The following ADCY2 variants were observed in gnomAD, a reference collection of about 807,000 sequenced individuals.
ADCY2 encodes the protein adenylate cyclase 2, also known as adenylate cyclase type 2.
In ADCY2, 31 loss-of-function variants were observed where a neutral mutation model predicts 125.2. The observed-to-expected ratio is 0.25, with a 90% CI of 0.19 to 0.33. The LOEUF (loss-of-function observed/expected upper bound fraction) is 0.33. ADCY2 is among the 10% of genes least tolerant of loss of function. The pLI is 1.00. For missense variants in ADCY2, 904 were observed against 1,418.2 expected (o/e 0.64, Z 5.82); for synonymous variants, 512 against 548.4 (o/e 0.93, Z 0.93).
intron 4 of ADCY2, among the ~76,000 whole-genome samples, chr5:7,633,176 A>G (rs1414242875): frequency 6.6e-6 from 1 of 152,150 alleles, no homozygotes; most frequent in Non-Finnish European, 1.5e-5. Flanking sequence ...CATGCCTGTA[A>G]TCCCAGCACT....
At chr5:7,497,124 TA>T (rs1743371205) in intron 2 of ADCY2, among the ~76,000 whole-genome samples, 3 of 152,176 alleles carry the variant, frequency 2.0e-5, no homozygotes, top group Admixed American at 2.0e-4. Context: ...CAATGTTCTT[TA>T]AAAAGTATCA....
At chr5:7,595,125 T>G (rs1736966864) in intron 3 of ADCY2, among the ~76,000 whole-genome samples, 1 of 152,234 alleles carries the variant, frequency 6.6e-6, no homozygotes, top group South Asian at 2.1e-4. Flanking sequence ...AATTATTCCC[T>G]TATAATGACC....
intron 2 of ADCY2, among the ~76,000 whole-genome samples, chr5:7,512,287 ATTTAACTTTTTAACATATTGT>A (rs1744099488): frequency 6.7e-6 from 1 of 148,928 alleles, no homozygotes; most frequent in Non-Finnish European, 1.5e-5. Flanking sequence ...CTGTTATCAG[ATTTAACTTTTTAACATATTGT>A]TTTGACTTCT....
intron 23 of ADCY2, among the ~76,000 whole-genome samples, chr5:7,820,167 G>T (rs188593942): frequency 4.6e-5 from 7 of 152,172 alleles, no homozygotes; most frequent in African/African-American, 1.7e-4. Flanking sequence ...AACAGTATTG[G>T]GGCTGTTTCC....
At position 7,591,098 on chromosome 5, in the gene ADCY2, G is replaced by A. The variant is rs373074871; in HGVS notation, c.571-35069G>A. Among the ~76,000 whole-genome samples the A allele has an allele frequency of 1.3e-3, 205 of 152,184 alleles. 1 individual carries two copies. Among genetic ancestry groups the A allele is most frequent in the African/African-American group, 4.6e-3 (191 of 41,500 alleles). ...AATTGCTCACGTGATTACTGGTGAC[G>A]TTATTTAATTAGAATAGTTTATGGA... is the stretch of plus-strand genomic sequence containing the variant. On this transcript the variant is annotated intron_variant, in intron 3 of 24. Coordinates refer to ENST00000338316, the MANE Select transcript of ADCY2 (RefSeq NM_020546.3).
chr5:7,531,948 C>A (rs1223469564), intron 3 of ADCY2, among the ~76,000 whole-genome samples: 1 of 152,242 alleles, frequency 6.6e-6, no homozygotes, highest in African/African-American at 2.4e-5. Context: ...TTATTGCAGA[C>A]TGTTCCATGT....
intron 4 of ADCY2, among the ~76,000 whole-genome samples, chr5:7,634,305 G>T (rs967377730): frequency 9.2e-5 from 14 of 152,148 alleles, no homozygotes; most frequent in African/African-American, 3.4e-4. Flanking sequence ...TGAAGGTTAG[G>T]ACTCATGAAC....
intron 3 of ADCY2, among the ~76,000 whole-genome samples, chr5:7,596,842 C>T (rs1737022989): frequency 6.6e-6 from 1 of 152,204 alleles, no homozygotes; most frequent in Non-Finnish European, 1.5e-5. Context: ...GGGGCCTATA[C>T]TGAATCAGTA....
At chr5:7,659,897 AAC>A (rs1267375396) in intron 4 of ADCY2, among the ~76,000 whole-genome samples, 1 of 152,184 alleles carries the variant, frequency 6.6e-6, no homozygotes, top group Non-Finnish European at 1.5e-5. Context: ...GACCTGTGTA[AAC>A]ACAGTAATAA....
chr5:7,720,216 TCCC>T (rs1741715486), intron 12 of ADCY2, among the ~76,000 whole-genome samples: 1 of 151,984 alleles, frequency 6.6e-6, no homozygotes. Context: ...GTAGTTCCAA[TCCC>T]CCCAAGTAAT....
At position 7,709,059 on chromosome 5, in the gene ADCY2, C is replaced by G. The variant is rs1741356186; in HGVS notation, c.1402-152C>G. Reference sequence around the variant, plus strand: ...TTCCCTCAACTCAAATAGTGTGTTCCCCAGTAACACTGAAGGAATAAGGAC... The same window carrying G: ...TTCCCTCAACTCAAATAGTGTGTTCGCCAGTAACACTGAAGGAATAAGGAC... On this transcript the variant is annotated intron_variant, in intron 9 of 24. Coordinates refer to ENST00000338316, the MANE Select transcript of ADCY2 (RefSeq NM_020546.3). The surrounding 1 kb of genome is among the most constrained non-coding windows in gnomAD (Gnocchi z 4.4). 1 of 649,804 alleles carries G rather than the reference C, an allele frequency of 1.5e-6. No homozygotes were observed. Among genetic ancestry groups the G allele is most frequent in the Non-Finnish European group, 2.3e-6 (1 of 438,550 alleles). 40.3% of individuals were successfully genotyped at this position (649,804 alleles called of 1,614,324 possible). A position where few individuals can be genotyped will look rare whatever the true frequency, so the allele number is the denominator to read the frequency against.
chr5:7,827,933 T>A lies in ADCY2; in HGVS notation c.*1062T>A, dbSNP rs1364911458. ...CAAAAGAATAATTTGGAATCAGCTATGCAAATCAGTCTCACAATAGCGTGA... is the reference window on the plus strand; with the variant it reads ...CAAAAGAATAATTTGGAATCAGCTAAGCAAATCAGTCTCACAATAGCGTGA... On this transcript the variant is annotated 3_prime_UTR_variant, in exon 25 of 25. Coordinates refer to ENST00000338316, the MANE Select transcript of ADCY2 (RefSeq NM_020546.3). 2 of 152,678 alleles carry A rather than the reference T, an allele frequency of 1.3e-5. No homozygotes were observed. Among genetic ancestry groups the A allele is most frequent in the Non-Finnish European group, 1.5e-5 (1 of 68,050 alleles). 9.5% of individuals were successfully genotyped at this position (152,678 alleles called of 1,614,324 possible). A position where few individuals can be genotyped will look rare whatever the true frequency, so the allele number is the denominator to read the frequency against.
chr5:7,602,169 CA>C (rs996078295), intron 3 of ADCY2, among the ~76,000 whole-genome samples: 2 of 152,172 alleles, frequency 1.3e-5, no homozygotes, highest in African/African-American at 4.8e-5. Context: ...GTTACATTTG[CA>C]AAGGTACAAT....
intron 4 of ADCY2, among the ~76,000 whole-genome samples, chr5:7,680,615 A>C (rs1440697341): frequency 6.6e-6 from 1 of 152,230 alleles, no homozygotes; most frequent in Non-Finnish European, 1.5e-5. Flanking sequence ...GGCTAGTCTT[A>C]AGAACTTACT....
rs1740276826 is a variant in ADCY2 at position 7,680,023 on chromosome 5, GGGCCACAGA to G, written c.721-10666_721-10658del. Among the ~76,000 whole-genome samples, 3 of 152,268 alleles carry G rather than the reference GGGCCACAGA, an allele frequency of 2.0e-5. No individual in the cohort carries two copies. In the South Asian group the frequency reaches 6.2e-4, roughly 32 times the overall value. On this transcript the variant is annotated intron_variant, in intron 4 of 24. Transcript: ENST00000338316. ...GGGGCAAGACAACAGTGAAAGTGAT[GGGCCACAGA>G]GTCCAAGGTGGAGAGGAACAGAGGT...
intron 16 of ADCY2, among the ~76,000 whole-genome samples, chr5:7,762,918 A>G (rs1263818801): frequency 6.6e-6 from 1 of 152,186 alleles, no homozygotes; most frequent in East Asian, 1.9e-4. Context: ...GGGGAAGAAC[A>G]TTTAATTTGC....
intron 7 of ADCY2, among the ~76,000 whole-genome samples, chr5:7,704,000 C>A (rs1485632603): frequency 2.6e-4 from 35 of 134,640 alleles, no homozygotes; most frequent in African/African-American, 4.8e-4. Context: ...AGATTCTGTC[C>A]AAAAAAAAAA....
At chr5:7,587,937 A>C (rs541317067) in intron 3 of ADCY2, among the ~76,000 whole-genome samples, 17 of 152,272 alleles carry the variant, frequency 1.1e-4, no homozygotes, top group African/African-American at 4.1e-4. Context: ...GTCTTATTAA[A>C]ATTATTGTGT....
chr5:7,610,779 G>A (rs1737550325), intron 3 of ADCY2, among the ~76,000 whole-genome samples: 1 of 152,228 alleles, frequency 6.6e-6, no homozygotes, highest in Non-Finnish European at 1.5e-5. Context: ...TTGATAGAGT[G>A]ATGGTCCAGG....
Sources: allele counts gnomAD v4.1 joint callset (sites outside exome capture counted in the v4.1 genomes callset), GRCh38; gene constraint gnomAD v4.1.1; non-coding constraint Gnocchi (gnomAD v3.1); transcripts MANE v1.5; gene names NCBI Gene and HGNC (gene_info 2026-07-23, HGNC 2026-07-21).